Variants in DNAJC1 observed in about 807,000 individuals in gnomAD.
DNAJC1 encodes the protein dnaJ homolog subfamily C member 1.
In DNAJC1, 58 loss-of-function variants were observed where a neutral mutation model predicts 76.6. The observed-to-expected ratio is 0.76, with a 90% CI of 0.61 to 0.94. The LOEUF is 0.94. Ranked by LOEUF, DNAJC1 falls within the 40% of genes least tolerant of loss-of-function variation. The pLI, the probability that DNAJC1 is intolerant of heterozygous loss-of-function variation, is 0.00. For missense variants in DNAJC1, 689 were observed against 677.3 expected, an observed-to-expected ratio of 1.02 and a Z score of -0.19; for synonymous variants, 258 against 267.9, an observed-to-expected ratio of 0.96 and a Z score of 0.36.
At chr10:21,930,047 C>G (rs529355436) in intron 1 of DNAJC1, among the ~76,000 whole-genome samples, 1 of 152,336 alleles carries the variant, frequency 6.6e-6, no homozygotes, top group Non-Finnish European at 1.5e-5. Context: ...ACAATCTCAG[C>G]TCACTGCAAC....
chr10:21,844,269 T>C (rs968741895), intron 8 of DNAJC1, among the ~76,000 whole-genome samples: 5 of 116,984 alleles, frequency 4.3e-5, no homozygotes, highest in African/African-American at 2.2e-4. Flanking sequence ...CCTGGCTAAT[T>C]TTTTTTTTTT....
intron 1 of DNAJC1, among the ~76,000 whole-genome samples, chr10:21,966,552 T>C (rs962303206): frequency 2.0e-5 from 3 of 152,134 alleles, no homozygotes; most frequent in Admixed American, 1.3e-4. Context: ...TATAAATTCA[T>C]GGATATTTAT....
intron 9 of DNAJC1, among the ~76,000 whole-genome samples, chr10:21,769,207 A>G (rs1486745886): frequency 6.6e-6 from 1 of 152,156 alleles, no homozygotes; most frequent in East Asian, 1.9e-4. Flanking sequence ...TGATTAACCT[A>G]GGTCTCTGGC....
At chr10:21,805,935 G>T in intron 9 of DNAJC1, 45 bp downstream of exon 9, 1 of 1,607,972 alleles carries the variant, frequency 6.2e-7, no homozygotes, top group South Asian at 1.1e-5. Flanking sequence ...TAGCTGACTT[G>T]TTCTGGTTTC....
At chr10:21,979,082 AT>A (rs201889006) in intron 1 of DNAJC1, among the ~76,000 whole-genome samples, 2 of 150,030 alleles carry the variant, frequency 1.3e-5, no homozygotes, top group East Asian at 1.9e-4. Flanking sequence ...TGGCACATTC[AT>A]TTTTTTTTAA....
chr10:21,968,504 C>CTT (rs748589532), intron 1 of DNAJC1, among the ~76,000 whole-genome samples: 14 of 144,452 alleles, frequency 9.7e-5, no homozygotes, highest in Admixed American at 7.0e-5. Flanking sequence ...CATGACATAT[C>CTT]TTTTTTTTTT....
chr10:21,927,182 T>C (rs1011905746), intron 3 of DNAJC1, among the ~76,000 whole-genome samples: 2 of 152,212 alleles, frequency 1.3e-5, no homozygotes, highest in Admixed American at 6.5e-5. Context: ...GAATGTCTGC[T>C]ATGGTATCTG....
At chr10:21,993,255 G>A (rs1483109017) in intron 1 of DNAJC1, among the ~76,000 whole-genome samples, 1 of 151,902 alleles carries the variant, frequency 6.6e-6, no homozygotes, top group African/African-American at 2.4e-5. Context: ...GCACCCTCTC[G>A]CTCATAAATT....
At chr10:21,991,176 TGA>T (rs1838321014) in intron 1 of DNAJC1, among the ~76,000 whole-genome samples, 1 of 152,194 alleles carries the variant, frequency 6.6e-6, no homozygotes, top group Non-Finnish European at 1.5e-5. Flanking sequence ...ATAAGATGTA[TGA>T]GTTTCAGAAT....
At chr10:21,819,527 C>A (rs1455153302) in intron 8 of DNAJC1, among the ~76,000 whole-genome samples, 3 of 152,202 alleles carry the variant, frequency 2.0e-5, no homozygotes, top group Non-Finnish European at 4.4e-5. Context: ...CTTAGAATCA[C>A]AGAACATGTG....
At chr10:21,850,296 A>C (rs1032564624) in intron 8 of DNAJC1, among the ~76,000 whole-genome samples, 1 of 152,170 alleles carries the variant, frequency 6.6e-6, no homozygotes, top group African/African-American at 2.4e-5. Flanking sequence ...CATAAAACGC[A>C]GTTGGGTTTC....
At chr10:21,778,292 C>T (rs1834479423) in intron 9 of DNAJC1, among the ~76,000 whole-genome samples, 1 of 152,176 alleles carries the variant, frequency 6.6e-6, no homozygotes, top group Non-Finnish European at 1.5e-5. Context: ...GTCAGAACAC[C>T]TAAGGCAGGT....
intron 1 of DNAJC1, among the ~76,000 whole-genome samples, chr10:22,003,008 C>G (rs1485586388): frequency 6.6e-6 from 1 of 152,134 alleles, no homozygotes; most frequent in East Asian, 1.9e-4. Flanking sequence ...GGGGCTGGGA[C>G]TAGAAAAGTT....
intron 8 of DNAJC1, among the ~76,000 whole-genome samples, chr10:21,832,287 A>G (rs980106621): frequency 2.6e-5 from 4 of 151,958 alleles, no homozygotes; most frequent in South Asian, 4.2e-4. Context: ...TGATTCCTCA[A>G]TTTCTCTCCT....
chr10:21,901,614 G>A (rs1836655979), intron 7 of DNAJC1, among the ~76,000 whole-genome samples: 1 of 151,946 alleles, frequency 6.6e-6, no homozygotes, highest in Non-Finnish European at 1.5e-5. Flanking sequence ...CCTTTTCACT[G>A]CCCCCCATAT....
chr10:21,903,636 C>G (rs1401994599), intron 7 of DNAJC1, among the ~76,000 whole-genome samples: 1 of 152,146 alleles, frequency 6.6e-6, no homozygotes, highest in Admixed American at 6.6e-5. Context: ...CTGTTTGATG[C>G]TACAGACACA....
At position 21,790,583 on chromosome 10, in the gene DNAJC1, T is replaced by C. The variant is rs916827019; in HGVS notation, c.1098+15397A>G. 4.6e-5 allele frequency among the ~76,000 whole-genome samples: 7 copies of C among 150,564 alleles called. No individual in the cohort carries two copies. In the South Asian group the frequency reaches 1.0e-3, roughly 22 times the overall value. On this transcript the variant is annotated intron_variant, in intron 9 of 11. Coordinates refer to ENST00000376980, the MANE Select transcript of DNAJC1 (RefSeq NM_022365.4). ...TTTCAGAAATGAGAAAGAAAATCTT[T>C]CCCAGACAAGCAAAAACTAAGAGAA...
chr10:21,792,565 T>C (rs748641286), intron 9 of DNAJC1, among the ~76,000 whole-genome samples: 2 of 152,094 alleles, frequency 1.3e-5, no homozygotes, highest in Non-Finnish European at 2.9e-5. Flanking sequence ...CTGACCATCC[T>C]GGCCAACATG....
chr10:21,756,577 T>TA lies in DNAJC1; in HGVS notation c.*109dup. The TA allele has an allele frequency of 1.4e-6, 1 of 714,834 alleles. No individual in the cohort carries two copies. Among genetic ancestry groups the TA allele is most frequent in the Admixed American group, 2.4e-5 (1 of 42,094 alleles). 44.3% of individuals were successfully genotyped at this position (714,834 alleles called of 1,614,324 possible). ...CTTTTATTTATTTATTATTTTTTTT[T>TA]ACTAAGGCACATGACGTAGAAATAT... On this transcript the variant is annotated 3_prime_UTR_variant, in exon 12 of 12. Coordinates refer to ENST00000376980, the MANE Select transcript of DNAJC1 (RefSeq NM_022365.4).
Sources: gnomAD v4.1 joint callset for allele counts (sites outside exome capture counted in the v4.1 genomes callset) on GRCh38, gnomAD v4.1.1 for gene constraint, MANE v1.5 for transcripts, NCBI Gene and HGNC (gene_info 2026-07-23, HGNC 2026-07-21) for gene names.